The following ZNF503 variants were observed in gnomAD, a reference collection of about 807,000 sequenced individuals.
The protein encoded by ZNF503 is zinc finger protein 503, also known as NocA-like zinc finger 2.
Under a neutral mutation model 34.4 loss-of-function variants are expected in ZNF503, and 15 were observed. The observed-to-expected ratio is 0.44, with a 90% CI of 0.29 to 0.67. ZNF503 has a LOEUF of 0.67. Ranked by LOEUF, ZNF503 falls within the 30% of genes least tolerant of loss-of-function variation. The pLI is 0.13. For missense variants in ZNF503, 1,007 were observed against 926.8 expected (o/e 1.09, Z -1.12); for synonymous variants, 580 against 456.8 (o/e 1.27, Z -3.44).
At chr10:75,382,331 A>C in the ZNF503 span, 3 of 268,452 alleles carry the variant, frequency 1.1e-5, no homozygotes, top group Admixed American at 4.0e-5. Context: ...TGGGAACAAC[A>C]ACAAGGCTGA....
the ZNF503 span, among the ~76,000 whole-genome samples, chr10:75,295,157 G>A: frequency 3.3e-5 from 5 of 151,904 alleles, no homozygotes; most frequent in South Asian, 6.2e-4. The surrounding 1 kb of genome is among the most constrained non-coding windows in gnomAD (Gnocchi z 4.0). Context: ...CTGTCACGCC[G>A]GGCCCGCGAC....
At chr10:75,372,555 G>A in the ZNF503 span, among the ~76,000 whole-genome samples, 1 of 152,210 alleles carries the variant, frequency 6.6e-6, no homozygotes, top group Non-Finnish European at 1.5e-5. Context: ...GGCTCAGCCT[G>A]GCCAGGGTGG....
chr10:75,316,984 C>T, the ZNF503 span, among the ~76,000 whole-genome samples: 132 of 152,242 alleles, frequency 8.7e-4, 1 homozygote, highest in Middle Eastern at 6.8e-3. Context: ...CTCTGTCTCC[C>T]AGGCAGGAGT....
the ZNF503 span, among the ~76,000 whole-genome samples, chr10:75,350,140 G>C: frequency 2.0e-5 from 3 of 152,224 alleles, no homozygotes; most frequent in Non-Finnish European, 4.4e-5. Context: ...CTAGAAAACT[G>C]TTACCAATAT....
the ZNF503 span, among the ~76,000 whole-genome samples, chr10:75,368,111 C>T: frequency 1.3e-5 from 2 of 152,148 alleles, no homozygotes; most frequent in Non-Finnish European, 2.9e-5. Flanking sequence ...ACCCCATGTC[C>T]TTGAGCTACA....
At chr10:75,306,936 C>T in the ZNF503 span, among the ~76,000 whole-genome samples, 1 of 152,106 alleles carries the variant, frequency 6.6e-6, no homozygotes, top group Non-Finnish European at 1.5e-5. Context: ...CTTTCCCTTT[C>T]CTTGGACTTC....
chr10:75,365,624 C>T, the ZNF503 span, among the ~76,000 whole-genome samples: 2 of 152,180 alleles, frequency 1.3e-5, no homozygotes, highest in African/African-American at 2.4e-5. Flanking sequence ...GAGTTCATGT[C>T]CTAGCCCCAC....
chr10:75,344,331 C>T, the ZNF503 span, among the ~76,000 whole-genome samples: 4 of 152,306 alleles, frequency 2.6e-5, no homozygotes, highest in East Asian at 5.8e-4. Context: ...ATTCCACTTA[C>T]GTTCATGGTG....
At chr10:75,365,465 AAAG>A in the ZNF503 span, among the ~76,000 whole-genome samples, 2 of 152,108 alleles carry the variant, frequency 1.3e-5, no homozygotes, top group Admixed American at 1.3e-4. Context: ...TTTTTCAAAG[AAAG>A]AAAAAAGAGA....
the ZNF503 span, among the ~76,000 whole-genome samples, chr10:75,325,699 A>G: frequency 6.6e-6 from 1 of 152,226 alleles, no homozygotes; most frequent in Non-Finnish European, 1.5e-5. Context: ...CTACAGATCA[A>G]TTTGGGGGGA....
At chr10:75,349,306 A>T in the ZNF503 span, among the ~76,000 whole-genome samples, 1 of 152,352 alleles carries the variant, frequency 6.6e-6, no homozygotes, top group Non-Finnish European at 1.5e-5. Context: ...ATTTACAAAA[A>T]ATCTTTTATG....
At chr10:75,301,940 T>A in the ZNF503 span, among the ~76,000 whole-genome samples, 1 of 152,244 alleles carries the variant, frequency 6.6e-6, no homozygotes, top group Non-Finnish European at 1.5e-5. Context: ...TTATATTTAC[T>A]AACATATATA....
chr10:75,399,962 G>C lies in ZNF503; in HGVS notation c.728C>G (p.Ser243Cys), dbSNP rs1389966661. The C allele has an allele frequency of 1.2e-6, 2 of 1,606,602 alleles. No individual in the cohort carries two copies. The highest frequency in any genetic ancestry group is 1.1e-5 in the South Asian group (1 of 90,922). The change falls in exon 2 of 2, where the codon TCC becomes TGC. Residue 243 changes from serine to cysteine, a missense_variant. Coordinates refer to ENST00000372524, the MANE Select transcript of ZNF503 (RefSeq NM_032772.6). The part of the protein sequence containing the change: ...ASACSPGGML[S>C]SAGGAPEGKD... Reference sequence around the variant, plus strand: ...GCCCTCCGGGGCACCCCCGGCCGAGGACAGCATACCTCCCGGCGAGCAGGC... The same window carrying C: ...GCCCTCCGGGGCACCCCCGGCCGAGCACAGCATACCTCCCGGCGAGCAGGC...
chr10:75,367,207 G>T, the ZNF503 span, among the ~76,000 whole-genome samples: 1 of 152,134 alleles, frequency 6.6e-6, no homozygotes. Flanking sequence ...TCAGGAAATT[G>T]TCTCTCTACC....
the ZNF503 span, among the ~76,000 whole-genome samples, chr10:75,331,822 A>G: frequency 1.3e-5 from 2 of 152,172 alleles, no homozygotes; most frequent in East Asian, 3.8e-4. Context: ...ATATCTAATA[A>G]TATTTGCTTG....
the ZNF503 span, among the ~76,000 whole-genome samples, chr10:75,327,051 A>G: frequency 6.6e-6 from 1 of 152,200 alleles, no homozygotes; most frequent in Admixed American, 6.5e-5. Context: ...GCATTCCATC[A>G]CTTCAAACAT....
At chr10:75,380,892 T>C in the ZNF503 span, among the ~76,000 whole-genome samples, 1 of 152,144 alleles carries the variant, frequency 6.6e-6, no homozygotes, top group African/African-American at 2.4e-5. Flanking sequence ...AAAGAACCCA[T>C]CATGATCCCC....
At chr10:75,280,397 T>C in the ZNF503 span, 2 of 152,224 alleles carry the variant, frequency 1.3e-5, no homozygotes, top group Admixed American at 6.5e-5. Flanking sequence ...CCTCAGTCCA[T>C]GTGTCTCCTT....
chr10:75,328,588 T>G, the ZNF503 span, among the ~76,000 whole-genome samples: 1 of 152,128 alleles, frequency 6.6e-6, no homozygotes, highest in Non-Finnish European at 1.5e-5. Flanking sequence ...TGGGGTCTTC[T>G]GCGGTTCCAT....
Sources: allele counts gnomAD v4.1 joint callset (sites outside exome capture counted in the v4.1 genomes callset), GRCh38; gene constraint gnomAD v4.1.1; non-coding constraint Gnocchi (gnomAD v3.1); transcripts MANE v1.5; gene names NCBI Gene and HGNC (gene_info 2026-07-23, HGNC 2026-07-21).